The following MVB12B variants were observed in gnomAD, a reference collection of about 807,000 sequenced individuals.
The protein encoded by MVB12B is multivesicular body subunit 12B, also known as ESCRT-I complex subunit MVB12B.
Under a neutral mutation model 41.6 loss-of-function variants are expected in MVB12B, and 16 were observed. That is an observed-to-expected ratio of 0.38 (90% CI 0.26 to 0.58). MVB12B has a LOEUF of 0.58. Among genes scored for constraint, MVB12B ranks in the 20% least tolerant of loss-of-function variants. The pLI, the probability that MVB12B is intolerant of heterozygous loss-of-function variation, is 0.62. For missense variants in MVB12B, 274 were observed against 380.2 expected (o/e 0.72, Z 2.32); for synonymous variants, 133 against 139.7 (o/e 0.95, Z 0.34).
chr9:126,430,018 C>T (rs1832288939), intron 7 of MVB12B, among the ~76,000 whole-genome samples: 1 of 152,166 alleles, frequency 6.6e-6, no homozygotes, highest in Non-Finnish European at 1.5e-5. Flanking sequence ...ATGCAGGGCC[C>T]ACAGAAGGCC....
rs1833465485 is a variant in MVB12B at position 126,478,611 on chromosome 9, A to AG, written c.758-2756dup. 6.6e-6 allele frequency among the ~76,000 whole-genome samples: 1 copy of AG among 152,164 alleles called. No individual in the cohort carries two copies. Among genetic ancestry groups the AG allele is most frequent in the Non-Finnish European group, 1.5e-5 (1 of 68,018 alleles). Reference sequence around the variant, plus strand: ...GGATGGGTAAGCCGGGAAGAGGGTCAGGTGCAAGGGGCCAGGGCCTTCAAT... The same window carrying AG: ...GGATGGGTAAGCCGGGAAGAGGGTCAGGGTGCAAGGGGCCAGGGCCTTCAAT... On this transcript the variant is annotated intron_variant, in intron 7 of 9. Coordinates refer to ENST00000361171, the MANE Select transcript of MVB12B (RefSeq NM_033446.3). This position sits in a 1 kb window ranked among gnomAD's most constrained non-coding sequence, Gnocchi z 4.2.
At chr9:126,365,242 T>A (rs545257089) in intron 2 of MVB12B, among the ~76,000 whole-genome samples, 2 of 121,816 alleles carry the variant, frequency 1.6e-5, no homozygotes, top group Non-Finnish European at 3.7e-5. Flanking sequence ...TTTTTTTGTA[T>A]TTTTAATAGA....
At chr9:126,422,257 T>TC (rs1380200036) in intron 7 of MVB12B, among the ~76,000 whole-genome samples, 1 of 152,178 alleles carries the variant, frequency 6.6e-6, no homozygotes, top group Non-Finnish European at 1.5e-5. Context: ...CGGGCAGGCT[T>TC]CCCACGGGGC....
chr9:126,422,560 G>A (rs2119093004), intron 7 of MVB12B, among the ~76,000 whole-genome samples: 1 of 152,282 alleles, frequency 6.6e-6, no homozygotes, highest in Non-Finnish European at 1.5e-5. Flanking sequence ...CAGCACAGGT[G>A]ACTTGCTAAG....
intron 3 of MVB12B, among the ~76,000 whole-genome samples, chr9:126,381,562 C>G (rs988004494): frequency 1.3e-5 from 2 of 152,128 alleles, no homozygotes; most frequent in African/African-American, 4.8e-5. Flanking sequence ...TGACCCCACC[C>G]CATGCCCTTG....
chr9:126,335,088 C>T (rs183580455), intron 1 of MVB12B: 62 of 335,178 alleles, frequency 1.8e-4, no homozygotes, highest in Non-Finnish European at 2.9e-4. Context: ...TGTTAGTTCC[C>T]GAGCTGGAAA....
At chr9:126,467,254 A>G (rs1363028573) in intron 7 of MVB12B, among the ~76,000 whole-genome samples, 1 of 152,158 alleles carries the variant, frequency 6.6e-6, no homozygotes, top group South Asian at 2.1e-4. Flanking sequence ...TACCTTGTGT[A>G]ATATCCCTTG....
rs573282498 is a variant in MVB12B at position 126,453,946 on chromosome 9, G to C, written c.758-27423G>C. On this transcript the variant is annotated intron_variant, in intron 7 of 9. Transcript: ENST00000361171. ...CAACAGGGCAAAAGACAATGAGAGA[G>C]GCAAGATGGAAGTCTGGTGTCCCAT... is the stretch of plus-strand genomic sequence containing the variant. 2.0e-5 allele frequency among the ~76,000 whole-genome samples: 3 copies of C among 152,286 alleles called. No individual in the cohort carries two copies. In the East Asian group the frequency reaches 5.8e-4, roughly 29 times the overall value.
At chr9:126,454,974 C>T (rs1832952885) in intron 7 of MVB12B, among the ~76,000 whole-genome samples, 1 of 152,024 alleles carries the variant, frequency 6.6e-6, no homozygotes, top group African/African-American at 2.4e-5. Context: ...AGGGCAGCCA[C>T]TCCGGGGATG....
At chr9:126,410,929 C>T (rs1484212701) in intron 6 of MVB12B, among the ~76,000 whole-genome samples, 3 of 150,228 alleles carry the variant, frequency 2.0e-5, no homozygotes, top group Non-Finnish European at 4.4e-5. Context: ...ACTCTGTCAC[C>T]CAGGCTGGAG....
At chr9:126,483,852 G>A in intron 8 of MVB12B, 121 bp from the exon 9 acceptor site, 1 of 991,602 alleles carries the variant, frequency 1.0e-6, no homozygotes, top group South Asian at 1.4e-5. Flanking sequence ...CCTGTGGAAA[G>A]TGGGTAGAGA....
Position 126,421,905 on chromosome 9 carries a change from G to A in MVB12B, c.714G>A (p.Arg238=), listed in dbSNP as rs1832030855. ...PATFRGRNST[R]TDYEYQHSNL... ...CCTTCCGAGGCAGGAACAGCACCCG[G>A]ACGGACTACGAGTACCAGCACTCCA... The change falls in exon 7 of 10, where the codon CGG becomes CGA. Residue 238 remains arginine (R), a synonymous_variant. Transcript: ENST00000361171. 2 of 1,613,888 alleles carry A rather than the reference G, an allele frequency of 1.2e-6. No individual in the cohort carries two copies. Among genetic ancestry groups the A allele is most frequent in the Admixed American group, 1.7e-5 (1 of 59,992 alleles).
chr9:126,487,766 C>CAA (rs570639548), intron 9 of MVB12B, among the ~76,000 whole-genome samples: 21,336 of 108,574 alleles, frequency 0.2, 2,152 homozygotes, highest in East Asian at 0.51. Flanking sequence ...GACTCCGTCT[C>CAA]AAAAAAAAAA....
At chr9:126,334,641 G>C (rs1434811581) in intron 1 of MVB12B, among the ~76,000 whole-genome samples, 2 of 152,240 alleles carry the variant, frequency 1.3e-5, no homozygotes, top group Non-Finnish European at 2.9e-5. Context: ...TCTGCCTTCT[G>C]TTGGGGTCCT....
chr9:126,416,194 G>C (rs1451115467), intron 6 of MVB12B, among the ~76,000 whole-genome samples: 4 of 152,218 alleles, frequency 2.6e-5, no homozygotes, highest in Non-Finnish European at 5.9e-5. Flanking sequence ...ATAATGCCGG[G>C]GTGGCAAGAA....
chr9:126,460,914 A>G (rs1032890034), intron 7 of MVB12B, among the ~76,000 whole-genome samples: 4 of 152,198 alleles, frequency 2.6e-5, no homozygotes, highest in African/African-American at 9.7e-5. Context: ...ATCAGTCAAT[A>G]CACAGAAAGC....
At chr9:126,474,738 G>C (rs1247398549) in intron 7 of MVB12B, among the ~76,000 whole-genome samples, 1 of 152,246 alleles carries the variant, frequency 6.6e-6, no homozygotes, top group African/African-American at 2.4e-5. Context: ...TGGGCTCTGA[G>C]GGTGCTGGGC....
chr9:126,413,555 A>G (rs143640092), intron 6 of MVB12B, among the ~76,000 whole-genome samples: 1 of 152,316 alleles, frequency 6.6e-6, no homozygotes, highest in African/African-American at 2.4e-5. Flanking sequence ...TTTCTTAAGT[A>G]TTAAATTTGA....
In MVB12B at chr9:126,364,230, G is replaced by C. The variant is rs112641064; in HGVS notation, c.205-16834G>C. 9.3e-3 allele frequency among the ~76,000 whole-genome samples: 1,420 copies of C among 152,340 alleles called. 18 individuals are homozygous for C. The highest frequency in any genetic ancestry group is 0.015 in the Admixed American group (232 of 15,306). On this transcript the variant is annotated intron_variant, in intron 2 of 9. Coordinates refer to ENST00000361171, the MANE Select transcript of MVB12B (RefSeq NM_033446.3). ...AGCTGAGTAATAGAGTACATAAGAA[G>C]AGTGACTTAGGCACGAGGACCAGTT... is the stretch of plus-strand genomic sequence containing the variant.
Sources: allele counts gnomAD v4.1 joint callset (sites outside exome capture counted in the v4.1 genomes callset), GRCh38; gene constraint gnomAD v4.1.1; non-coding constraint Gnocchi (gnomAD v3.1); transcripts MANE v1.5; gene names NCBI Gene and HGNC (gene_info 2026-07-23, HGNC 2026-07-21).